The following DOCK3 variants were observed in gnomAD, a reference collection of about 807,000 sequenced individuals.
DOCK3 encodes dedicator of cytokinesis 3.
A neutral mutation model predicts 265.6 loss-of-function variants in DOCK3; 60 were observed. That is an observed-to-expected ratio of 0.23 (90% CI 0.18 to 0.28). DOCK3 has a LOEUF of 0.28. DOCK3 is among the 10% of genes least tolerant of loss of function. The pLI is 1.00. For missense variants in DOCK3, 1,981 were observed against 2,594.3 expected (o/e 0.76, Z 5.14); for synonymous variants, 881 against 938.0 (o/e 0.94, Z 1.11).
intron 9 of DOCK3, among the ~76,000 whole-genome samples, chr3:51,142,956 G>A (rs113547924): frequency 0.012 from 1,869 of 151,644 alleles, 46 homozygotes; most frequent in African/African-American, 0.041. Context: ...GTACAATCTC[G>A]GCTCACTGCA....
At chr3:51,304,063 G>A (rs563595653) in intron 27 of DOCK3, among the ~76,000 whole-genome samples, 62 of 152,292 alleles carry the variant, frequency 4.1e-4, no homozygotes, top group Non-Finnish European at 6.9e-4. Flanking sequence ...GGTCTCCGCA[G>A]CCCCTCAGTC....
intron 49 of DOCK3, among the ~76,000 whole-genome samples, chr3:51,365,968 C>T (rs1028161401): frequency 1.3e-5 from 2 of 152,162 alleles, no homozygotes; most frequent in African/African-American, 2.4e-5. Context: ...TGTGTCTCTG[C>T]CAGCCTTTGT....
At chr3:51,069,500 G>T (rs1035948945) in intron 6 of DOCK3, among the ~76,000 whole-genome samples, 4 of 151,030 alleles carry the variant, frequency 2.6e-5, no homozygotes, top group Admixed American at 6.6e-5. Context: ...TTTATTCTTA[G>T]AATAATAATT....
Position 51,350,330 on chromosome 3 carries a change from C to T in DOCK3, c.4045C>T (p.Arg1349Cys). 8.1e-6 allele frequency: 13 copies of T among 1,611,384 alleles called. No individual in the cohort carries two copies. The highest frequency in any genetic ancestry group is 1.7e-4 in the Middle Eastern group (1 of 6,058). The change falls in exon 40 of 53, where the codon CGC becomes TGC. Residue 1349 changes from arginine to cysteine, a missense_variant. Physicochemically the swap from Arg to Cys is radical, Grantham distance 180 (BLOSUM62 -3). This residue lies in a region of DOCK3 where 1,357 missense variants were observed against 1,866.8 expected (regional missense o/e 0.73). Transcript: ENST00000266037. Reference sequence around the variant, plus strand: ...CTATGACAACATTATGGAGCAGCAACGCCTGGAGCCTGAGTTCTTTCGGGT... The same window carrying T: ...CTATGACAACATTATGGAGCAGCAATGCCTGGAGCCTGAGTTCTTTCGGGT... ...SYYDNIMEQQ[R>C]LEPEFFRVGF... is the part of the protein sequence containing the mutation.
chr3:50,700,675 T>TAC (rs2035982309), intron 1 of DOCK3, among the ~76,000 whole-genome samples: 1 of 151,842 alleles, frequency 6.6e-6, no homozygotes, highest in Non-Finnish European at 1.5e-5. Context: ...TCTTTATCCA[T>TAC]ATCCATTGGC....
At chr3:50,888,683 A>G (rs1397698172) in intron 3 of DOCK3, among the ~76,000 whole-genome samples, 1 of 152,162 alleles carries the variant, frequency 6.6e-6, no homozygotes, top group Non-Finnish European at 1.5e-5. Flanking sequence ...ATGGAACAGA[A>G]CAGAGCCCTC....
intron 1 of DOCK3, among the ~76,000 whole-genome samples, chr3:50,684,793 A>AT (rs2034661493): frequency 6.6e-6 from 1 of 152,098 alleles, no homozygotes; most frequent in Non-Finnish European, 1.5e-5. Context: ...TTCTGTTAGA[A>AT]TTTTTTCTAA....
chr3:50,941,164 A>G (rs1019606921), intron 5 of DOCK3, among the ~76,000 whole-genome samples: 1 of 152,166 alleles, frequency 6.6e-6, no homozygotes, highest in Admixed American at 6.5e-5. Context: ...ATATTTGAAA[A>G]TTATATATCC....
chr3:51,006,992 G>A (rs940813711), intron 5 of DOCK3, among the ~76,000 whole-genome samples: 2 of 152,140 alleles, frequency 1.3e-5, no homozygotes, highest in South Asian at 4.1e-4. Context: ...CATGGCGTAT[G>A]TGTGCCACAT....
chr3:51,328,096 C>T (rs1381384319), intron 32 of DOCK3, among the ~76,000 whole-genome samples: 3 of 152,134 alleles, frequency 2.0e-5, no homozygotes, highest in African/African-American at 7.2e-5. Context: ...GTTTCTGATC[C>T]AACAAACTAG....
At chr3:50,985,392 G>A (rs1452564170) in intron 5 of DOCK3, among the ~76,000 whole-genome samples, 1 of 151,998 alleles carries the variant, frequency 6.6e-6, no homozygotes, top group Non-Finnish European at 1.5e-5. Flanking sequence ...AATGCCTATG[G>A]ATATGTCATG....
At chr3:50,874,685 A>C (rs1306804790) in intron 3 of DOCK3, among the ~76,000 whole-genome samples, 1 of 151,996 alleles carries the variant, frequency 6.6e-6, no homozygotes, top group Non-Finnish European at 1.5e-5. Flanking sequence ...ATTTATTCCT[A>C]AGTATTTTAT....
intron 27 of DOCK3, among the ~76,000 whole-genome samples, chr3:51,295,433 A>G (rs567354386): frequency 4.6e-5 from 7 of 152,314 alleles, no homozygotes; most frequent in African/African-American, 1.7e-4. Context: ...ATCCACCCCT[A>G]TGGCCCAAAC....
chr3:51,379,097 A>G (rs957415032), intron 51 of DOCK3, among the ~76,000 whole-genome samples: 7 of 151,870 alleles, frequency 4.6e-5, no homozygotes, highest in African/African-American at 1.5e-4. Flanking sequence ...TGCTCTCTCT[A>G]TATTCTCTCA....
At position 51,021,095 on chromosome 3, in the gene DOCK3, C is replaced by A. The variant is rs192996969; in HGVS notation, c.316-43353C>A. On this transcript the variant is annotated intron_variant, in intron 5 of 52. Transcript: ENST00000266037. The stretch of plus-strand genomic sequence containing the variant: ...TTTTCACGATATTGATTCTTCCTAT[C>A]CATGAGCATGGAATATTTTTCCATT... Among the ~76,000 whole-genome samples the A allele has an allele frequency of 5.9e-5, 9 of 152,058 alleles. No individual in the cohort carries two copies. The East Asian group carries it at 1.2e-3, about 20-fold the overall frequency.
chr3:51,195,947 T>G (rs935638020), intron 12 of DOCK3, among the ~76,000 whole-genome samples: 2 of 152,104 alleles, frequency 1.3e-5, no homozygotes, highest in Admixed American at 6.5e-5. Flanking sequence ...TGTTTTTTGT[T>G]TTTTTTGAAA....
At chr3:50,943,446 T>G (rs2076347923) in intron 5 of DOCK3, among the ~76,000 whole-genome samples, 1 of 152,244 alleles carries the variant, frequency 6.6e-6, no homozygotes, top group African/African-American at 2.4e-5. Context: ...TGAAAATTTA[T>G]GTACAGATTA....
chr3:51,021,718 A>G (rs1197158344), intron 5 of DOCK3, among the ~76,000 whole-genome samples: 2 of 147,340 alleles, frequency 1.4e-5, no homozygotes, highest in Admixed American at 6.9e-5. Flanking sequence ...CTGGAGCGCA[A>G]TGGTGCGATC....
At position 50,900,002 on chromosome 3, in the gene DOCK3, G is replaced by A. The variant is rs562754500; in HGVS notation, c.218+9921G>A. ...CTTTGTGGTGGTCTCTGTATTTCCT[G>A]AATTTGAATGTTGGCCTGTCTTGCT... On this transcript the variant is annotated intron_variant, in intron 4 of 52. Coordinates refer to ENST00000266037, the MANE Select transcript of DOCK3 (RefSeq NM_004947.5). Among the ~76,000 whole-genome samples the A allele has an allele frequency of 2.0e-5, 3 of 152,202 alleles. No homozygotes were observed. In the South Asian group the frequency reaches 6.2e-4, roughly 32 times the overall value.
Sources: allele counts gnomAD v4.1 joint callset (sites outside exome capture counted in the v4.1 genomes callset), GRCh38; gene constraint gnomAD v4.1.1; regional missense constraint gnomAD v4.1.1; transcripts MANE v1.5; gene names NCBI Gene and HGNC (gene_info 2026-07-23, HGNC 2026-07-21).